DRC11: variants seen among roughly 807,000 people sequenced by gnomAD.
The protein encoded by DRC11 is dynein regulatory complex subunit 11.
At chr2:236,430,381 G>A in the DRC11 span, among the ~76,000 whole-genome samples, 1 of 152,114 alleles carries the variant, frequency 6.6e-6, no homozygotes, top group African/African-American at 2.4e-5. This position sits in a 1 kb window ranked among gnomAD's most constrained non-coding sequence, Gnocchi z 6.0. Context: ...ATGTACACAG[G>A]TATACACACA....
At chr2:236,341,406 G>A in the DRC11 span, among the ~76,000 whole-genome samples, 4 of 152,234 alleles carry the variant, frequency 2.6e-5, no homozygotes, top group Non-Finnish European at 5.9e-5. Flanking sequence ...GCGTCTGCAG[G>A]GGGCAGGGGT....
chr2:236,315,694 TC>T, the DRC11 span, among the ~76,000 whole-genome samples: 1 of 152,306 alleles, frequency 6.6e-6, no homozygotes, highest in South Asian at 2.1e-4. This position sits in a 1 kb window ranked among gnomAD's most constrained non-coding sequence, Gnocchi z 5.1. Context: ...TGAGATCATG[TC>T]CTTTGCAGGG....
At chr2:236,383,844 G>A in the DRC11 span, among the ~76,000 whole-genome samples, 1 of 150,186 alleles carries the variant, frequency 6.7e-6, no homozygotes, top group East Asian at 2.0e-4. Context: ...TCCCCAGAGT[G>A]TGATATTCCC....
the DRC11 span, chr2:236,368,332 A>G: frequency 2.3e-6 from 3 of 1,328,114 alleles, no homozygotes; most frequent in African/African-American, 1.4e-5. Flanking sequence ...GGAACAATAA[A>G]TGGAAAACAG....
the DRC11 span, chr2:236,507,475 G>A: frequency 1.7e-6 from 1 of 592,532 alleles, no homozygotes; most frequent in Non-Finnish European, 3.0e-6. Context: ...CACGGAGCGC[G>A]CAGGCGCAGA....
At chr2:236,433,067 T>C in the DRC11 span, among the ~76,000 whole-genome samples, 33 of 152,274 alleles carry the variant, frequency 2.2e-4, no homozygotes, top group African/African-American at 7.7e-4. Context: ...AATTTCCGTA[T>C]GTATTTGGGT....
the DRC11 span, among the ~76,000 whole-genome samples, chr2:236,445,785 C>A: frequency 6.6e-6 from 1 of 152,078 alleles, no homozygotes; most frequent in Non-Finnish European, 1.5e-5. The surrounding 1 kb of genome is among the most constrained non-coding windows in gnomAD (Gnocchi z 4.8). Flanking sequence ...AAATTTGTAT[C>A]TAGAAAGTGA....
the DRC11 span, among the ~76,000 whole-genome samples, chr2:236,354,267 G>A: frequency 1.3e-5 from 2 of 149,834 alleles, no homozygotes; most frequent in South Asian, 2.1e-4. Context: ...ACATGTGTGC[G>A]TGTGTGTGTA....
the DRC11 span, among the ~76,000 whole-genome samples, chr2:236,307,516 C>A: frequency 6.6e-6 from 1 of 152,176 alleles, no homozygotes; most frequent in African/African-American, 2.4e-5. The surrounding 1 kb of genome is among the most constrained non-coding windows in gnomAD (Gnocchi z 7.0). Context: ...AACTTCCTGG[C>A]CCCCTTGCAG....
the DRC11 span, among the ~76,000 whole-genome samples, chr2:236,352,346 C>T: frequency 1.3e-5 from 2 of 151,950 alleles, no homozygotes; most frequent in African/African-American, 2.4e-5. This position sits in a 1 kb window ranked among gnomAD's most constrained non-coding sequence, Gnocchi z 7.0. Flanking sequence ...CTGGGGAGGA[C>T]GTGGCGCATG....
the DRC11 span, chr2:236,399,575 A>G: frequency 9.2e-7 from 1 of 1,090,256 alleles, no homozygotes; most frequent in Non-Finnish European, 1.4e-6. The surrounding 1 kb of genome is among the most constrained non-coding windows in gnomAD (Gnocchi z 7.0). Context: ...ACGAGGGTCC[A>G]TGCCGCGCAG....
chr2:236,390,185 A>G, the DRC11 span, among the ~76,000 whole-genome samples: 1 of 152,174 alleles, frequency 6.6e-6, no homozygotes, highest in East Asian at 1.9e-4. This position sits in a 1 kb window ranked among gnomAD's most constrained non-coding sequence, Gnocchi z 5.9. Context: ...TAATTGTTAT[A>G]TCTTCCTATT....
the DRC11 span, among the ~76,000 whole-genome samples, chr2:236,387,865 C>A: frequency 4.6e-5 from 7 of 152,040 alleles, no homozygotes; most frequent in African/African-American, 1.7e-4. Flanking sequence ...CTGGTGGTGA[C>A]AAAATCTGCA....
At chr2:236,474,082 T>C in the DRC11 span, among the ~76,000 whole-genome samples, 1 of 152,310 alleles carries the variant, frequency 6.6e-6, no homozygotes, top group Non-Finnish European at 1.5e-5. Context: ...TTTAGGGTGA[T>C]AGATTTTGGA....
chr2:236,314,987 G>T, the DRC11 span, among the ~76,000 whole-genome samples: 407 of 152,250 alleles, frequency 2.7e-3, 7 homozygotes, highest in Middle Eastern at 0.014. This position sits in a 1 kb window ranked among gnomAD's most constrained non-coding sequence, Gnocchi z 4.5. Context: ...GCATATCTAA[G>T]ACACTTTGGA....
the DRC11 span, among the ~76,000 whole-genome samples, chr2:236,319,851 G>T: frequency 6.6e-6 from 1 of 152,190 alleles, no homozygotes; most frequent in Admixed American, 6.5e-5. The surrounding 1 kb of genome is among the most constrained non-coding windows in gnomAD (Gnocchi z 6.7). Flanking sequence ...CAGGGATGAA[G>T]CCAGGCAGTG....
At chr2:236,426,578 T>A in the DRC11 span, among the ~76,000 whole-genome samples, 3 of 152,206 alleles carry the variant, frequency 2.0e-5, no homozygotes, top group African/African-American at 7.2e-5. This position sits in a 1 kb window ranked among gnomAD's most constrained non-coding sequence, Gnocchi z 4.1. Flanking sequence ...TCAAAATTTT[T>A]AAAAATTCAA....
chr2:236,342,356 C>T, the DRC11 span, among the ~76,000 whole-genome samples: 3 of 152,306 alleles, frequency 2.0e-5, no homozygotes, highest in South Asian at 2.1e-4. This position sits in a 1 kb window ranked among gnomAD's most constrained non-coding sequence, Gnocchi z 5.8. Flanking sequence ...GAGCAGGTTA[C>T]GATGCCTCCT....
chr2:236,461,905 G>T, the DRC11 span, among the ~76,000 whole-genome samples: 3 of 152,236 alleles, frequency 2.0e-5, no homozygotes, highest in African/African-American at 4.8e-5. This position sits in a 1 kb window ranked among gnomAD's most constrained non-coding sequence, Gnocchi z 4.0. Flanking sequence ...GAACCTGGGA[G>T]GGAACAGTCA....
Sources: allele counts gnomAD v4.1 joint callset (sites outside exome capture counted in the v4.1 genomes callset), GRCh38; gene constraint gnomAD v4.1.1; non-coding constraint Gnocchi (gnomAD v3.1); transcripts MANE v1.5; gene names NCBI Gene and HGNC (gene_info 2026-07-23, HGNC 2026-07-21).